SLIT2: variants seen among roughly 807,000 people sequenced by gnomAD.
SLIT2 encodes slit guidance ligand 2, also known as slit homolog 2 protein.
In SLIT2, 41 loss-of-function variants were observed where a neutral mutation model predicts 185.7. That is an observed-to-expected ratio of 0.22 (90% CI 0.17 to 0.29). The LOEUF is 0.29. Ranked by LOEUF, SLIT2 falls within the 10% of genes least tolerant of loss-of-function variation. The probability of loss-of-function intolerance (pLI) is 1.00; values close to 1 mark genes in which losing one functional copy is unlikely to be tolerated. For synonymous variants in SLIT2, 693 were observed against 680.2 expected (o/e 1.02, Z -0.29); for missense variants, 1,571 against 1,909.0 (o/e 0.82, Z 3.30).
At chr4:20,508,716 T>C (rs1455774957) in intron 9 of SLIT2, among the ~76,000 whole-genome samples, 1 of 152,142 alleles carries the variant, frequency 6.6e-6, no homozygotes, top group African/African-American at 2.4e-5. Context: ...ATTTAGTTCT[T>C]TTAATCATAT....
intron 11 of SLIT2, among the ~76,000 whole-genome samples, chr4:20,514,751 A>C (rs2148831907): frequency 6.8e-6 from 1 of 147,856 alleles, no homozygotes; most frequent in South Asian, 2.3e-4. Context: ...TCTCCTACTA[A>C]GAAATCCTAT....
intron 4 of SLIT2, among the ~76,000 whole-genome samples, chr4:20,467,197 T>G (rs1511828): frequency 0.71 from 108,528 of 152,020 alleles, 39,126 homozygotes; most frequent in Admixed American, 0.79. Context: ...ATTAATATTT[T>G]ATGCATAAAC....
At chr4:20,432,168 C>G (rs1388900808) in intron 4 of SLIT2, among the ~76,000 whole-genome samples, 5 of 152,228 alleles carry the variant, frequency 3.3e-5, no homozygotes, top group East Asian at 1.9e-4. Flanking sequence ...CTTCGGTGAA[C>G]TGGCTAGAGC....
At chr4:20,300,126 CA>C (rs997174331) in intron 4 of SLIT2, among the ~76,000 whole-genome samples, 4 of 151,848 alleles carry the variant, frequency 2.6e-5, no homozygotes, top group African/African-American at 9.7e-5. Flanking sequence ...GATTTTTAAG[CA>C]AATCAAATTT....
At chr4:20,292,491 AAAG>A (rs917395251) in intron 4 of SLIT2, among the ~76,000 whole-genome samples, 11 of 152,130 alleles carry the variant, frequency 7.2e-5, no homozygotes, top group Admixed American at 3.9e-4. Context: ...ACCTGTCTCA[AAAG>A]AAGAAGAAGG....
intron 21 of SLIT2, among the ~76,000 whole-genome samples, chr4:20,545,657 A>C (rs1054260418): frequency 2.6e-5 from 4 of 152,074 alleles, no homozygotes; most frequent in Admixed American, 2.0e-4. Context: ...GGCAGCAATG[A>C]GTGGTCTTGG....
chr4:20,361,861 T>G (rs570151118), intron 4 of SLIT2, among the ~76,000 whole-genome samples: 10 of 152,236 alleles, frequency 6.6e-5, no homozygotes, highest in Non-Finnish European at 1.0e-4. Context: ...AGCATTCACA[T>G]TTTTTGGGTG....
chr4:20,618,995 A>C lies in SLIT2; in HGVS notation c.4576A>C (p.Arg1526=), dbSNP rs1447677353. 6.2e-7 allele frequency: 1 copy of C among 1,613,836 alleles called. No individual in the cohort carries two copies. Among genetic ancestry groups the C allele is most frequent in the African/African-American group, 1.3e-5 (1 of 75,034 alleles). Residue 1526 remains arginine, a synonymous_variant, in exon 37 of 37, where the codon AGG becomes CGG. Transcript: ENST00000504154. ...GAAAGTGGTGAAGTGCGGCTGTACG[A>C]GGTGTGTGTCCTAAACACACTCCCG... ...VEKVVKCGCT[R]CVS
At chr4:20,472,359 T>TATATATCTATATATATAGATATATAG (rs1715309683) in intron 5 of SLIT2, among the ~76,000 whole-genome samples, 1 of 21,482 alleles carries the variant, frequency 4.7e-5, no homozygotes, top group African/African-American at 2.4e-4. Context: ...TATAGATATC[T>TATATATCTATATATATAGATATATAG]ATATAGATAT....
chr4:20,566,044 G>A (rs930376996), intron 26 of SLIT2, among the ~76,000 whole-genome samples: 12 of 151,980 alleles, frequency 7.9e-5, no homozygotes, highest in African/African-American at 2.9e-4. Flanking sequence ...CAACGCAAGC[G>A]TGGGCTGTAA....
In SLIT2 at chr4:20,617,604, C is replaced by T. The variant is rs746809264; in HGVS notation, c.4302C>T (p.Pro1434=). Residue 1434 remains proline (P), a synonymous_variant, in exon 36 of 37, where the codon CCC becomes CCT. Coordinates refer to ENST00000504154, the MANE Select transcript of SLIT2 (RefSeq NM_004787.4). ...GCAGGCTTTCAGGTCTGGGGCAGCC[C>T]TACTGTGAATGCAGCAGTGGATACA... ...GKCRLSGLGQ[P]YCECSSGYTG... 22 of 1,612,874 alleles carry T rather than the reference C, an allele frequency of 1.4e-5. No individual in the cohort carries two copies.
At position 20,491,790 on chromosome 4, in the gene SLIT2, A is replaced by G. The variant is rs781365495; in HGVS notation, c.805A>G (p.Ser269Gly). 1.2e-5 allele frequency: 19 copies of G among 1,612,620 alleles called. No individual in the cohort carries two copies. The highest frequency in any genetic ancestry group is 6.7e-5 in the Admixed American group (4 of 59,904). Residue 269 changes from serine (S) to glycine (G), a missense_variant, in exon 9 of 37, where the codon AGT becomes GGT. Transcript: ENST00000504154. ...CCAGTCATTTATGGCTCCTTCTTGT[A>G]GTGTTTTGCACTGCCCTGCCGCCTG... The part of the protein sequence containing the change: ...GHQSFMAPSC[S>G]VLHCPAACTC...
intron 4 of SLIT2, among the ~76,000 whole-genome samples, chr4:20,333,970 A>G (rs554814655): frequency 2.1e-3 from 313 of 152,312 alleles, no homozygotes; most frequent in Non-Finnish European, 1.9e-3. Flanking sequence ...CAATTGATGC[A>G]ATTAGTTATA....
chr4:20,388,020 G>A (rs1260198138), intron 4 of SLIT2, among the ~76,000 whole-genome samples: 1 of 152,104 alleles, frequency 6.6e-6, no homozygotes, highest in Non-Finnish European at 1.5e-5. Flanking sequence ...AAAAGCATTT[G>A]ACAAAACACC....
Position 20,264,980 on chromosome 4 carries a change from A to G in SLIT2, c.324-3830A>G, listed in dbSNP as rs374275908. On this transcript the variant is annotated intron_variant, in intron 3 of 36. Coordinates refer to ENST00000504154, the MANE Select transcript of SLIT2 (RefSeq NM_004787.4). ...TTGAGTGTCTGTGCTCTCAACAATG[A>G]TAATTGACTCACCTGGTCTGTTTAA... Among the ~76,000 whole-genome samples, 54 of 152,052 alleles carry G rather than the reference A, an allele frequency of 3.6e-4. No homozygotes were observed. In the South Asian group the frequency reaches 3.9e-3, roughly 11 times the overall value.
At chr4:20,426,811 T>A (rs925774706) in intron 4 of SLIT2, among the ~76,000 whole-genome samples, 2 of 152,148 alleles carry the variant, frequency 1.3e-5, no homozygotes. Flanking sequence ...GGGCTGGGCT[T>A]ATATTCTTTC....
rs752807865 is a variant in SLIT2, at chr4:20,528,385, G to A, written c.1463-564G>A. On this transcript the variant is annotated intron_variant, in intron 15 of 36. Coordinates refer to ENST00000504154, the MANE Select transcript of SLIT2 (RefSeq NM_004787.4). The surrounding 1 kb of genome is among the most constrained non-coding windows in gnomAD (Gnocchi z 4.2). Reference sequence around the variant, plus strand: ...ATGGAACGTCACGCAGCTTTCTACAGCATGACAAGCTGCTGAGGCTTAAAT... The same window carrying A: ...ATGGAACGTCACGCAGCTTTCTACAACATGACAAGCTGCTGAGGCTTAAAT... 3.8e-6 allele frequency: 2 copies of A among 532,298 alleles called. No homozygotes were observed. Among genetic ancestry groups the A allele is most frequent in the Non-Finnish European group, 7.7e-6 (2 of 258,882 alleles). 33.0% of individuals were successfully genotyped at this position (532,298 alleles called of 1,614,324 possible). A position where few individuals can be genotyped will look rare whatever the true frequency, so the allele number is the denominator to read the frequency against.
At chr4:20,533,399 A>G (rs978607224) in intron 17 of SLIT2, 173 bp from the exon 18 acceptor site, 20 of 606,270 alleles carry the variant, frequency 3.3e-5, no homozygotes, top group Non-Finnish European at 5.1e-5. Context: ...TGTTAGTATT[A>G]TTGTCCCTTT....
At chr4:20,458,362 C>A (rs1560439983) in intron 4 of SLIT2, among the ~76,000 whole-genome samples, 1 of 152,080 alleles carries the variant, frequency 6.6e-6, no homozygotes, top group African/African-American at 2.4e-5. Flanking sequence ...TAAACAAATG[C>A]CATGTTTGTA....
Sources: allele counts gnomAD v4.1 joint callset (sites outside exome capture counted in the v4.1 genomes callset), GRCh38; gene constraint gnomAD v4.1.1; non-coding constraint Gnocchi (gnomAD v3.1); transcripts MANE v1.5; gene names NCBI Gene and HGNC (gene_info 2026-07-23, HGNC 2026-07-21).